The following CSMD1 variants were observed in gnomAD, a reference collection of about 807,000 sequenced individuals.
The protein encoded by CSMD1 is CUB and sushi domain-containing protein 1.
A neutral mutation model predicts 417.5 loss-of-function variants in CSMD1; 213 were observed. The ratio of observed to expected loss-of-function variants is 0.51; its 90% CI spans 0.46 to 0.57. CSMD1 has a LOEUF of 0.57. CSMD1 is among the 20% of genes least tolerant of loss of function. CSMD1 has a pLI of 0.00. For synonymous variants in CSMD1, 2,862 were observed against 1,736.8 expected, an observed-to-expected ratio of 1.65 and a Z score of -16.11; for missense variants, 6,923 against 4,529.7, an observed-to-expected ratio of 1.53 and a Z score of -15.17.
At chr8:4,175,734 G>T (rs1370812972) in intron 3 of CSMD1, among the ~76,000 whole-genome samples, 1 of 151,996 alleles carries the variant, frequency 6.6e-6, no homozygotes, top group Non-Finnish European at 1.5e-5. Flanking sequence ...ATGTTGCCTA[G>T]AAAAATAATG....
intron 2 of CSMD1, among the ~76,000 whole-genome samples, chr8:4,443,676 C>T (rs746339481): frequency 6.6e-6 from 1 of 152,136 alleles, no homozygotes; most frequent in African/African-American, 2.4e-5. Flanking sequence ...GCATTTATAC[C>T]ATTCAATCCT....
At chr8:4,897,644 TATG>T (rs201915846) in intron 1 of CSMD1, among the ~76,000 whole-genome samples, 1,584 of 152,278 alleles carry the variant, frequency 0.01, 33 homozygotes, top group African/African-American at 0.036. Context: ...TGTCCAATAA[TATG>T]ATATTATTTA....
At chr8:3,308,644 A>AGAAAGATGGGTCTGTACTGGGGCT (rs1554509617) in intron 23 of CSMD1, 141 bp from the exon 24 acceptor site, 2 of 645,420 alleles carry the variant, frequency 3.1e-6, no homozygotes, top group Admixed American at 2.7e-5. Context: ...AAAGGGGAAA[A>AGAAAGATGGGTCTGTACTGGGGCT]GAAAGATGGG....
In CSMD1 at chr8:4,269,675, T is replaced by C. The variant is rs543659978; in HGVS notation, c.415+150278A>G. On this transcript the variant is annotated intron_variant, in intron 3 of 69. Coordinates refer to ENST00000635120, the MANE Select transcript of CSMD1 (RefSeq NM_033225.6). The stretch of plus-strand genomic sequence containing the variant: ...TCAGGTTGCCTGATCCAAAATAAAA[T>C]TTTTTGTTTCTTTGCAGTTTATCAA... Among the ~76,000 whole-genome samples the C allele has an allele frequency of 7.2e-5, 11 of 152,280 alleles. No individual in the cohort carries two copies. The South Asian group carries it at 1.4e-3, about 20-fold the overall frequency.
intron 68 of CSMD1, among the ~76,000 whole-genome samples, chr8:2,944,577 G>C (rs1802092148): frequency 6.6e-6 from 1 of 152,184 alleles, no homozygotes; most frequent in Non-Finnish European, 1.5e-5. Flanking sequence ...CCTGAAGCCA[G>C]GGATTTTGTT....
chr8:4,682,784 A>G, intron 1 of CSMD1, among the ~76,000 whole-genome samples: 1 of 151,404 alleles, frequency 6.6e-6, no homozygotes, highest in East Asian at 1.9e-4. Flanking sequence ...GTAAGTATAT[A>G]CGAAGCAACA....
intron 37 of CSMD1, among the ~76,000 whole-genome samples, chr8:3,171,323 G>A (rs1175302949): frequency 6.6e-6 from 1 of 152,184 alleles, no homozygotes; most frequent in Non-Finnish European, 1.5e-5. Context: ...AGAAAGTGGG[G>A]GGACTCCAAG....
chr8:3,492,238 G>C (rs762176480), intron 11 of CSMD1, among the ~76,000 whole-genome samples: 1 of 152,234 alleles, frequency 6.6e-6, no homozygotes, highest in African/African-American at 2.4e-5. Context: ...CAAGCAACCA[G>C]TGGCATGCCG....
rs564996256 is a variant in CSMD1, at chr8:4,058,924, G to T, written c.416-26825C>A. 2.6e-5 allele frequency among the ~76,000 whole-genome samples: 4 copies of T among 152,134 alleles called. No individual in the cohort carries two copies. In the South Asian group the frequency reaches 6.2e-4, roughly 24 times the overall value. ...CAAGGATACCCAGGAATTGAACTCA[G>T]CTCTGCACCAAGCGGGCCTAACAGA... On this transcript the variant is annotated intron_variant, in intron 3 of 69. Transcript: ENST00000635120.
At chr8:4,437,260 G>C (rs1258340005) in intron 2 of CSMD1, among the ~76,000 whole-genome samples, 2 of 152,106 alleles carry the variant, frequency 1.3e-5, no homozygotes, top group East Asian at 1.9e-4. Context: ...AGGCAGTAGA[G>C]AAAAGTAAAC....
chr8:4,631,065 C>A (rs1477738932), intron 2 of CSMD1, among the ~76,000 whole-genome samples: 1 of 152,088 alleles, frequency 6.6e-6, no homozygotes, highest in East Asian at 1.9e-4. Context: ...ACTAGCCAAG[C>A]TAAAAATAAA....
chr8:4,077,573 A>G (rs1585263646), intron 3 of CSMD1, among the ~76,000 whole-genome samples: 1 of 152,016 alleles, frequency 6.6e-6, no homozygotes, highest in Non-Finnish European at 1.5e-5. Context: ...AACCACTGCT[A>G]TGCCTATCAA....
At chr8:3,796,299 T>C (rs367979903) in intron 5 of CSMD1, among the ~76,000 whole-genome samples, 4 of 70,758 alleles carry the variant, frequency 5.7e-5, no homozygotes, top group African/African-American at 9.6e-5. Flanking sequence ...GATATATCTA[T>C]CATGTATAGA....
At chr8:2,977,814 C>G (rs606096) in intron 55 of CSMD1, among the ~76,000 whole-genome samples, 27,816 of 152,026 alleles carry the variant, frequency 0.18, 2,714 homozygotes, top group East Asian at 0.42. Context: ...GGCCAATAAA[C>G]ATATGAAAAA....
At chr8:4,260,766 T>C (rs1026567352) in intron 3 of CSMD1, among the ~76,000 whole-genome samples, 2 of 152,212 alleles carry the variant, frequency 1.3e-5, no homozygotes, top group African/African-American at 2.4e-5. Context: ...GGCTAAGTTA[T>C]ATAGGACATA....
chr8:4,810,675 T>C (rs1370575848), intron 1 of CSMD1, among the ~76,000 whole-genome samples: 1 of 152,228 alleles, frequency 6.6e-6, no homozygotes, highest in Non-Finnish European at 1.5e-5. Flanking sequence ...ATAGAAACTT[T>C]ATAATGTTCC....
At position 4,701,686 on chromosome 8, in the gene CSMD1, T is replaced by TA. The variant is rs746716469; in HGVS notation, c.86-64129dup. Among the ~76,000 whole-genome samples, 89 of 149,012 alleles carry TA rather than the reference T, an allele frequency of 6.0e-4. 2 individuals are homozygous for TA. Among genetic ancestry groups the TA allele is most frequent in the East Asian group, 3.1e-3 (16 of 5,104 alleles). On this transcript the variant is annotated intron_variant, in intron 1 of 69. Coordinates refer to ENST00000635120, the MANE Select transcript of CSMD1 (RefSeq NM_033225.6). Reference sequence around the variant, plus strand: ...ATCTCCTCTGTCAAACCTTTCTCCTTAAAAAAAAAAGTAGAGTGGTGACAA... The same window carrying TA: ...ATCTCCTCTGTCAAACCTTTCTCCTTAAAAAAAAAAAGTAGAGTGGTGACAA...
At chr8:3,937,044 G>A (rs1339900731) in intron 5 of CSMD1, among the ~76,000 whole-genome samples, 1 of 152,174 alleles carries the variant, frequency 6.6e-6, no homozygotes, top group Admixed American at 6.6e-5. Flanking sequence ...CTTCAGACAT[G>A]TTGAAAACAG....
chr8:3,710,005 C>A (rs1271138007), intron 6 of CSMD1, among the ~76,000 whole-genome samples: 3 of 151,828 alleles, frequency 2.0e-5, no homozygotes, highest in African/African-American at 7.3e-5. Context: ...TTGGCTCCCC[C>A]AAAAACCTAA....
Sources: gnomAD v4.1 joint callset for allele counts (sites outside exome capture counted in the v4.1 genomes callset) on GRCh38, gnomAD v4.1.1 for gene constraint, MANE v1.5 for transcripts, NCBI Gene and HGNC (gene_info 2026-07-23, HGNC 2026-07-21) for gene names.